LRRC28: variants seen among roughly 807,000 people sequenced by gnomAD.
The protein encoded by LRRC28 is leucine-rich repeat-containing protein 28.
A neutral mutation model predicts 45.7 loss-of-function variants in LRRC28; 39 were observed. That is an observed-to-expected ratio of 0.85 (90% CI 0.66 to 1.12). The LOEUF (loss-of-function observed/expected upper bound fraction) is 1.12, where lower values mean the gene tolerates loss of function less well. LRRC28 is among the 50% of genes most tolerant of loss of function. LRRC28 has a pLI of 0.00. For missense variants in LRRC28, 435 were observed against 438.5 expected, an observed-to-expected ratio of 0.99 and a Z score of 0.07; for synonymous variants, 206 against 178.8, an observed-to-expected ratio of 1.15 and a Z score of -1.22.
rs778839108 is a variant in LRRC28 at position 99,361,447 on chromosome 15, C to T, written c.807C>T (p.His269=). ...EVKAIGTEHD[H]VLPLQELAMR... is the part of the protein sequence containing the mutation. ...AGGCCATAGGGACGGAGCATGATCA[C>T]GTCCTCCCTCTGCAGGAATTGGCTA... The change falls in exon 8 of 10, where the codon CAC becomes CAT. Residue 269 remains histidine, a synonymous_variant. Transcript: ENST00000301981. 17 of 1,613,854 alleles carry T rather than the reference C, an allele frequency of 1.1e-5. No individual in the cohort carries two copies. Among genetic ancestry groups the T allele is most frequent in the Middle Eastern group, 1.6e-4 (1 of 6,070 alleles).
At chr15:99,294,167 A>G (rs1424458818) in intron 5 of LRRC28, among the ~76,000 whole-genome samples, 1 of 151,948 alleles carries the variant, frequency 6.6e-6, no homozygotes, top group African/African-American at 2.4e-5. Context: ...TTGATACAGG[A>G]TTTTTTATAT....
chr15:99,351,472 C>G (rs1415911936), intron 6 of LRRC28, among the ~76,000 whole-genome samples: 3 of 152,170 alleles, frequency 2.0e-5, no homozygotes, highest in Admixed American at 2.0e-4. Context: ...TCAACTTCCT[C>G]CCTTTCTAGG....
At chr15:99,258,813 A>C in intron 2 of LRRC28, 2 of 697,718 alleles carry the variant, frequency 2.9e-6, no homozygotes, top group Non-Finnish European at 5.5e-6. Context: ...CTATTTGATG[A>C]ATATGGATCT....
intron 6 of LRRC28, chr15:99,338,565 A>G (rs2152300313): frequency 6.6e-6 from 1 of 152,350 alleles, no homozygotes; most frequent in Admixed American, 6.5e-5. Context: ...ACAGGAACTT[A>G]AAAGTTTTAT....
At chr15:99,379,885 A>T (rs1186709320) in intron 9 of LRRC28, among the ~76,000 whole-genome samples, 3 of 152,176 alleles carry the variant, frequency 2.0e-5, no homozygotes, top group Non-Finnish European at 4.4e-5. Flanking sequence ...TTCTAGTTTG[A>T]TTGCACTGTG....
intron 5 of LRRC28, among the ~76,000 whole-genome samples, chr15:99,311,586 T>G (rs905179622): frequency 2.0e-5 from 3 of 152,212 alleles, no homozygotes; most frequent in African/African-American, 7.2e-5. Context: ...TTAACATGGG[T>G]TGGCAAACTA....
intron 5 of LRRC28, among the ~76,000 whole-genome samples, chr15:99,314,347 A>T (rs1246084940): frequency 6.6e-6 from 1 of 152,078 alleles, no homozygotes; most frequent in African/African-American, 2.4e-5. Flanking sequence ...CTGAGGTGGG[A>T]GGATCACTTA....
chr15:99,260,702 T>C (rs566751204), intron 2 of LRRC28, among the ~76,000 whole-genome samples: 3 of 152,366 alleles, frequency 2.0e-5, no homozygotes, highest in Admixed American at 1.3e-4. Context: ...CTTAGGGCTT[T>C]TGGAATGTTT....
chr15:99,352,292 C>T (rs1046497919), intron 6 of LRRC28, 77 bp from the exon 7 acceptor site: 2 of 947,312 alleles, frequency 2.1e-6, no homozygotes, highest in African/African-American at 1.7e-5. Context: ...ATTTCTAATA[C>T]TATGTATTAA....
At chr15:99,257,110 A>G (rs531856361) in intron 2 of LRRC28, among the ~76,000 whole-genome samples, 9 of 152,346 alleles carry the variant, frequency 5.9e-5, no homozygotes, top group Admixed American at 4.6e-4. Flanking sequence ...TACAATGCCT[A>G]TAGTGGGTAG....
intron 6 of LRRC28, among the ~76,000 whole-genome samples, chr15:99,337,018 C>T (rs940316755): frequency 6.6e-6 from 1 of 152,182 alleles, no homozygotes; most frequent in African/African-American, 2.4e-5. Context: ...GTTCTAGAGC[C>T]CTGGCTCTGC....
intron 5 of LRRC28, among the ~76,000 whole-genome samples, chr15:99,302,351 G>C (rs569792659): frequency 1.4e-4 from 21 of 151,678 alleles, no homozygotes; most frequent in African/African-American, 4.8e-4. Flanking sequence ...TTAAGCTATT[G>C]ATTTTCTTTG....
intron 1 of LRRC28, among the ~76,000 whole-genome samples, chr15:99,254,217 AAT>A (rs1316074919): frequency 6.6e-6 from 1 of 152,238 alleles, no homozygotes; most frequent in Non-Finnish European, 1.5e-5. Flanking sequence ...AAGTCACATT[AAT>A]ATATCTCATA....
At chr15:99,373,333 G>A (rs1261849146) in intron 9 of LRRC28, among the ~76,000 whole-genome samples, 1 of 151,466 alleles carries the variant, frequency 6.6e-6, no homozygotes, top group Non-Finnish European at 1.5e-5. Flanking sequence ...AAAAATTATT[G>A]GAACTAGGGT....
chr15:99,288,290 A>G (rs983757254), intron 5 of LRRC28, among the ~76,000 whole-genome samples: 1 of 151,666 alleles, frequency 6.6e-6, no homozygotes, highest in Non-Finnish European at 1.5e-5. Flanking sequence ...TTTGCGTGAT[A>G]TAATCATTTT....
chr15:99,332,765 C>T (rs184624001), intron 5 of LRRC28, among the ~76,000 whole-genome samples: 1 of 152,134 alleles, frequency 6.6e-6, no homozygotes, highest in Non-Finnish European at 1.5e-5. Flanking sequence ...ATTGAGCATC[C>T]AAGACGGCAG....
intron 5 of LRRC28, among the ~76,000 whole-genome samples, chr15:99,322,218 GAGATTTTATTGAAGTGCAGC>G (rs1955823164): frequency 6.6e-6 from 1 of 152,164 alleles, no homozygotes; most frequent in Non-Finnish European, 1.5e-5. Context: ...GATGGTGTTA[GAGATTTTATTGAAGTGCAGC>G]AGAAAGCCAG....
At chr15:99,326,411 T>C (rs1007044121) in intron 5 of LRRC28, 5 of 152,136 alleles carry the variant, frequency 3.3e-5, no homozygotes, top group Non-Finnish European at 5.9e-5. Context: ...ACTGCAAAGA[T>C]GGGCAAGACA....
chr15:99,293,358 C>T (rs1238415755), intron 5 of LRRC28, among the ~76,000 whole-genome samples: 1 of 151,900 alleles, frequency 6.6e-6, no homozygotes, highest in East Asian at 1.9e-4. Flanking sequence ...CTTTGGGAGG[C>T]CAAGGTGGGT....
Sources: gnomAD v4.1 joint callset for allele counts (sites outside exome capture counted in the v4.1 genomes callset) on GRCh38, gnomAD v4.1.1 for gene constraint, MANE v1.5 for transcripts, NCBI Gene and HGNC (gene_info 2026-07-23, HGNC 2026-07-21) for gene names.